Variants in CTNNA3 observed in about 807,000 individuals in gnomAD.
CTNNA3 encodes catenin alpha-3.
A neutral mutation model predicts 95.7 loss-of-function variants in CTNNA3; 76 were observed. The ratio of observed to expected loss-of-function variants is 0.79; its 90% CI spans 0.66 to 0.96. CTNNA3 has a LOEUF of 0.96. Among genes scored for constraint, CTNNA3 ranks in the 40% least tolerant of loss-of-function variants. The pLI is 0.00. For missense variants in CTNNA3, 1,191 were observed against 1,089.8 expected, an observed-to-expected ratio of 1.09 and a Z score of -1.31; for synonymous variants, 431 against 374.4, an observed-to-expected ratio of 1.15 and a Z score of -1.74.
intron 15 of CTNNA3, among the ~76,000 whole-genome samples, chr10:66,055,345 A>C (rs946850304): frequency 2.6e-5 from 4 of 152,186 alleles, no homozygotes; most frequent in Non-Finnish European, 5.9e-5. Flanking sequence ...GATTCTTCTC[A>C]TCCATGAACA....
At chr10:67,592,155 A>G (rs1252628077) in intron 3 of CTNNA3, among the ~76,000 whole-genome samples, 1 of 152,038 alleles carries the variant, frequency 6.6e-6, no homozygotes, top group Non-Finnish European at 1.5e-5. Flanking sequence ...CCCCATTCTA[A>G]GCCCATAAAA....
Position 67,149,277 on chromosome 10 carries a change from G to C in CTNNA3, c.1047+31040C>G, listed in dbSNP as rs566879890. ...TTGTCTTCTTCAACTATAAGTAAGGGGACAGTTTGAGCAGAAAGTCAAAAG... is the reference window on the plus strand; with the variant it reads ...TTGTCTTCTTCAACTATAAGTAAGGCGACAGTTTGAGCAGAAAGTCAAAAG... On this transcript the variant is annotated intron_variant, in intron 7 of 17. Coordinates refer to ENST00000433211, the MANE Select transcript of CTNNA3 (RefSeq NM_013266.4). Among the ~76,000 whole-genome samples the C allele has an allele frequency of 1.3e-3, 192 of 152,150 alleles. 3 individuals are homozygous for C. The highest frequency in any genetic ancestry group is 4.3e-3 in the African/African-American group (179 of 41,502).
chr10:66,347,269 A>G (rs997828101), intron 12 of CTNNA3, among the ~76,000 whole-genome samples: 1 of 152,160 alleles, frequency 6.6e-6, no homozygotes, highest in Admixed American at 6.5e-5. Flanking sequence ...CCATATTTCC[A>G]TTTTATTTAT....
intron 13 of CTNNA3, among the ~76,000 whole-genome samples, chr10:66,209,501 T>C (rs950422348): frequency 6.6e-6 from 1 of 152,002 alleles, no homozygotes; most frequent in Non-Finnish European, 1.5e-5. Context: ...ATCTGGAGTA[T>C]GGAAAGAGAA....
At chr10:67,022,043 G>A (rs1238671853) in intron 7 of CTNNA3, among the ~76,000 whole-genome samples, 2 of 152,160 alleles carry the variant, frequency 1.3e-5, no homozygotes, top group Non-Finnish European at 2.9e-5. Context: ...TTGGAAGTAC[G>A]AAGTGTATTT....
intron 7 of CTNNA3, among the ~76,000 whole-genome samples, chr10:67,063,167 A>T (rs906561364): frequency 2.0e-5 from 3 of 152,210 alleles, no homozygotes; most frequent in African/African-American, 7.2e-5. Context: ...CAGGCTTACA[A>T]GAAAAACAGT....
chr10:66,800,817 A>G (rs1841400322), intron 7 of CTNNA3, among the ~76,000 whole-genome samples: 1 of 151,326 alleles, frequency 6.6e-6, no homozygotes, highest in Admixed American at 6.6e-5. Context: ...GCTGAAACAA[A>G]TAAAAATGGA....
At chr10:67,269,549 G>T (rs966548833) in intron 5 of CTNNA3, among the ~76,000 whole-genome samples, 4 of 152,070 alleles carry the variant, frequency 2.6e-5, no homozygotes, top group Non-Finnish European at 4.4e-5. Flanking sequence ...AATCAGAATA[G>T]CTCCTGTCCA....
intron 7 of CTNNA3, chr10:67,099,364 T>C (rs1410563762): frequency 1.3e-5 from 2 of 151,770 alleles, no homozygotes; most frequent in Non-Finnish European, 2.9e-5. Context: ...TCAATTACTG[T>C]TGCACTAGAA....
intron 7 of CTNNA3, among the ~76,000 whole-genome samples, chr10:66,951,088 T>TAC (rs3056558): frequency 0.035 from 5,183 of 146,088 alleles, 250 homozygotes; most frequent in East Asian, 0.24. Context: ...TAACATTAAA[T>TAC]ACACACACAC....
At chr10:67,234,079 G>A (rs1589063158) in intron 5 of CTNNA3, among the ~76,000 whole-genome samples, 1 of 152,272 alleles carries the variant, frequency 6.6e-6, no homozygotes, top group Non-Finnish European at 1.5e-5. Flanking sequence ...AATTCTACAA[G>A]AGGTACAAGG....
At chr10:67,139,719 A>C (rs752033268) in intron 7 of CTNNA3, among the ~76,000 whole-genome samples, 2 of 152,296 alleles carry the variant, frequency 1.3e-5, no homozygotes, top group Admixed American at 6.5e-5. Context: ...AACCTAAAAA[A>C]TGTAATAGAT....
intron 10 of CTNNA3, among the ~76,000 whole-genome samples, chr10:66,614,822 T>A (rs184335908): frequency 3.3e-5 from 5 of 152,100 alleles, no homozygotes; most frequent in Admixed American, 3.3e-4. Context: ...AGAACCACAT[T>A]TCTCTCTTGT....
At position 66,685,321 on chromosome 10, in the gene CTNNA3, GTGTGTATATA is replaced by G. The variant is rs1270424807; in HGVS notation, c.1282-63547_1282-63538del. Among the ~76,000 whole-genome samples, 217 of 21,956 alleles carry G rather than the reference GTGTGTATATA, an allele frequency of 9.9e-3. 4 individuals are homozygous for G. The highest frequency in any genetic ancestry group is 0.029 in the African/African-American group (175 of 6,054). The allele number at this position is 21,956 out of a possible 152,430, so 14.4% of individuals were successfully genotyped here. A position where few individuals can be genotyped will look rare whatever the true frequency, so the allele number is the denominator to read the frequency against. Reference sequence around the variant, plus strand: ...TGTGTATATATATGTGTGTGTGTATGTGTGTATATATATATATATATATATATATATTTTT... The same window carrying G: ...TGTGTATATATATGTGTGTGTGTATGTATATATATATATATATATATTTTT... On this transcript the variant is annotated intron_variant, in intron 9 of 17. Transcript: ENST00000433211.
chr10:67,141,876 T>C (rs564970494), intron 7 of CTNNA3, among the ~76,000 whole-genome samples: 4 of 152,246 alleles, frequency 2.6e-5, no homozygotes, highest in South Asian at 4.1e-4. Flanking sequence ...TTATAGATTT[T>C]AGAGGCACAT....
intron 10 of CTNNA3, among the ~76,000 whole-genome samples, chr10:66,565,542 C>T (rs1842678988): frequency 1.3e-5 from 2 of 152,006 alleles, no homozygotes; most frequent in South Asian, 4.1e-4. Flanking sequence ...AGACTTTTAC[C>T]GAACATCAAA....
At chr10:66,982,918 GCT>G (rs1418114591) in intron 7 of CTNNA3, among the ~76,000 whole-genome samples, 2 of 152,134 alleles carry the variant, frequency 1.3e-5, no homozygotes, top group Non-Finnish European at 2.9e-5. Context: ...CACAATGCAA[GCT>G]ACATCTTAAG....
chr10:67,743,566 G>T (rs1248078774), intron 1 of CTNNA3, among the ~76,000 whole-genome samples: 1 of 151,270 alleles, frequency 6.6e-6, no homozygotes. Context: ...GCAAAAACTG[G>T]AAGCATTGCC....
chr10:66,592,373 A>T (rs1218567406), intron 10 of CTNNA3, among the ~76,000 whole-genome samples: 1 of 152,150 alleles, frequency 6.6e-6, no homozygotes, highest in Admixed American at 6.6e-5. Flanking sequence ...GCAAGTTCAG[A>T]ATCTCCTTCA....
Sources: gnomAD v4.1 joint callset for allele counts (sites outside exome capture counted in the v4.1 genomes callset) on GRCh38, gnomAD v4.1.1 for gene constraint, MANE v1.5 for transcripts, NCBI Gene and HGNC (gene_info 2026-07-23, HGNC 2026-07-21) for gene names.